PLS3: variants seen among roughly 807,000 people sequenced by gnomAD.
PLS3 encodes the protein plastin-3.
In PLS3, 11 loss-of-function variants were observed where a neutral mutation model predicts 46.5. The ratio of observed to expected loss-of-function variants is 0.24; its 90% CI spans 0.15 to 0.39. The LOEUF is 0.39. Among genes scored for constraint, PLS3 ranks in the 10% least tolerant of loss-of-function variants. The probability of loss-of-function intolerance (pLI) is 1.00; values close to 1 mark genes in which losing one functional copy is unlikely to be tolerated. For missense variants in PLS3, 308 were observed against 461.8 expected, an observed-to-expected ratio of 0.67 and a Z score of 3.05; for synonymous variants, 167 against 162.2, an observed-to-expected ratio of 1.03 and a Z score of -0.22.
At chrX:115,594,526 C>T (rs1569526975) in intron 1 of PLS3, among the ~76,000 whole-genome samples, 1 of 111,065 alleles carries the variant, frequency 9.0e-6, no homozygotes, top group Non-Finnish European at 1.9e-5. Flanking sequence ...CTTTCTGCTT[C>T]GTGTATATAG....
chrX:115,643,193 A>G (rs2074915789), intron 9 of PLS3, 120 bp from the exon 10 acceptor site: 4 of 476,338 alleles, frequency 8.4e-6, no homozygotes, highest in South Asian at 7.4e-5. Flanking sequence ...ACAATTTTAT[A>G]ATAAGTACCA....
chrX:115,630,686 AATATATACATATATATGTAT>A (rs1200742676), intron 5 of PLS3, among the ~76,000 whole-genome samples: 84 of 97,087 alleles, frequency 8.7e-4, no homozygotes, highest in African/African-American at 1.5e-3. Context: ...ATATATATAA[AATATATACATATATATGTAT>A]ATATATACAT....
At chrX:115,571,582 CAA>C (rs1354758625) in intron 1 of PLS3, among the ~76,000 whole-genome samples, 1 of 108,195 alleles carries the variant, frequency 9.2e-6, no homozygotes, top group Non-Finnish European at 1.9e-5. Context: ...AGGAAAGAAA[CAA>C]GAACTCACCT....
intron 1 of PLS3, among the ~76,000 whole-genome samples, chrX:115,607,499 A>ATT (rs59366150): frequency 1.4e-5 from 1 of 72,838 alleles, no homozygotes; most frequent in African/African-American, 4.8e-5. Flanking sequence ...GTGTTATTTA[A>ATT]TTTTTTTTTT....
chrX:115,636,001 A>G (rs1341926767), intron 7 of PLS3, among the ~76,000 whole-genome samples: 4 of 110,419 alleles, frequency 3.6e-5, no homozygotes, highest in African/African-American at 1.3e-4. Flanking sequence ...AGCCTGGTCA[A>G]TAGTGCGAGA....
intron 1 of PLS3, among the ~76,000 whole-genome samples, chrX:115,587,706 G>A (rs1556632632): frequency 1.9e-5 from 2 of 105,106 alleles, no homozygotes; most frequent in African/African-American, 7.1e-5. Context: ...CTGCACTCCA[G>A]CCTGGGCGAC....
chrX:115,618,466 GT>G (rs1556637118), intron 2 of PLS3, among the ~76,000 whole-genome samples: 1 of 111,384 alleles, frequency 9.0e-6, no homozygotes, highest in Admixed American at 9.5e-5. Flanking sequence ...AGAGCCTGTA[GT>G]CTCAGCTACT....
Position 115,645,099 on chromosome X carries a change from C to A in PLS3, c.1262C>A (p.Ala421Asp). The A allele has an allele frequency of 3.6e-6, 4 of 1,108,627 alleles. No individual in the cohort carries two copies. The highest frequency in any genetic ancestry group is 5.0e-6 in the Non-Finnish European group (4 of 803,728). The allele number at this position is 1,108,627 out of a possible 1,213,427, so 91.4% of individuals were successfully genotyped here. A position where few individuals can be genotyped will look rare whatever the true frequency, so the allele number is the denominator to read the frequency against. ...GVNPHVNHLYADLQDALVILQ... is the reference protein window; with the variant it reads ...GVNPHVNHLYDDLQDALVILQ... ...AATCCTCACGTAAACCATCTCTATG[C>A]GTAAGCCTTCCTACTGCTATTGTAA... Residue 421 changes from alanine to aspartate, a missense_variant and splice_region_variant, in exon 11 of 16, where the codon GCT becomes GAT. Physicochemically the swap from Ala to Asp is moderately radical, Grantham distance 126 (BLOSUM62 -2). This residue lies in a region of PLS3 where 271 missense variants were observed against 435.7 expected (regional missense o/e 0.62). Coordinates refer to ENST00000355899, the MANE Select transcript of PLS3 (RefSeq NM_005032.7).
intron 1 of PLS3, among the ~76,000 whole-genome samples, chrX:115,583,702 A>T (rs17326716): frequency 0.036 from 4,043 of 112,143 alleles, 66 homozygotes; most frequent in Non-Finnish European, 0.054. Flanking sequence ...CTTCCTAAAA[A>T]CTGACGAGGT....
At chrX:115,571,316 G>A (rs953321306) in intron 1 of PLS3, among the ~76,000 whole-genome samples, 5 of 111,644 alleles carry the variant, frequency 4.5e-5, no homozygotes, top group African/African-American at 1.6e-4. Context: ...TCAGGAGTTC[G>A]AAACCAGCCT....
At chrX:115,566,254 C>T (rs2074171209) in intron 1 of PLS3, among the ~76,000 whole-genome samples, 1 of 112,301 alleles carries the variant, frequency 8.9e-6, no homozygotes, top group Admixed American at 9.5e-5. Context: ...AAAAGTTCTG[C>T]ACCCATCCAA....
rs5903456 is a variant in PLS3, at chrX:115,645,757, AC to A, written c.1263-309del. On this transcript the variant is annotated intron_variant, in intron 11 of 15. Transcript: ENST00000355899. Reference sequence around the variant, plus strand: ...GTTTGTTTATTGTCAACAAACCAATACCCCCCGTATTGTTTGTTTATCCATG... The same window carrying A: ...GTTTGTTTATTGTCAACAAACCAATACCCCCGTATTGTTTGTTTATCCATG... Among the ~76,000 whole-genome samples the A allele has an allele frequency of 0.15, 16,211 of 110,404 alleles. 2,013 individuals carry two copies. Among genetic ancestry groups the A allele is most frequent in the African/African-American group, 0.42 (12,612 of 30,117 alleles).
intron 8 of PLS3, chrX:115,640,106 C>T (rs1556640799): frequency 1.8e-6 from 2 of 1,127,087 alleles, no homozygotes; most frequent in East Asian, 6.5e-5. Context: ...TTTTGTCTGT[C>T]AAGCTTATTG....
chrX:115,580,474 T>C (rs1180955557), intron 1 of PLS3, among the ~76,000 whole-genome samples: 1 of 112,564 alleles, frequency 8.9e-6, no homozygotes. Context: ...TCATTGAATA[T>C]ATTTGTGTAA....
intron 1 of PLS3, among the ~76,000 whole-genome samples, chrX:115,608,751 G>A (rs1234484822): frequency 8.9e-6 from 1 of 111,978 alleles, no homozygotes; most frequent in Non-Finnish European, 1.9e-5. Context: ...ATACCGTATA[G>A]TCTAGGTGTG....
At position 115,629,818 on chromosome X, in the gene PLS3, A is replaced by G. The variant is rs782338262; in HGVS notation, c.368-17A>G. On this transcript the variant is annotated splice_polypyrimidine_tract_variant and intron_variant, in intron 4 of 15. Coordinates refer to ENST00000355899, the MANE Select transcript of PLS3 (RefSeq NM_005032.7). Reference sequence around the variant, plus strand: ...TTAGAGTATGAACTAATGTCTTGTTATTTAACATAATTTTAGAGGAAGAAA... The same window carrying G: ...TTAGAGTATGAACTAATGTCTTGTTGTTTAACATAATTTTAGAGGAAGAAA... 2.0e-6 allele frequency: 2 copies of G among 1,016,061 alleles called. No individual in the cohort carries two copies. Among genetic ancestry groups the G allele is most frequent in the South Asian group, 2.1e-5 (1 of 47,877 alleles). 83.7% of individuals were successfully genotyped at this position (1,016,061 alleles called of 1,213,427 possible).
chrX:115,567,648 T>A (rs1161660641), intron 1 of PLS3, among the ~76,000 whole-genome samples: 1 of 109,070 alleles, frequency 9.2e-6, no homozygotes, highest in African/African-American at 3.3e-5. Context: ...ATGTGGGAAG[T>A]TAAGTTGAAA....
In PLS3 at chrX:115,638,197, G is replaced by A. The variant is rs188763823; in HGVS notation, c.891+1219G>A. The stretch of plus-strand genomic sequence containing the variant: ...ACTATCTCGGCTCACTGCAACCTCC[G>A]CCTCCCAGGTTCAAGAGATTCTTCT... On this transcript the variant is annotated intron_variant, in intron 8 of 15. Coordinates refer to ENST00000355899, the MANE Select transcript of PLS3 (RefSeq NM_005032.7). Among the ~76,000 whole-genome samples, 621 of 110,405 alleles carry A rather than the reference G, an allele frequency of 5.6e-3. 4 individuals are homozygous for A. Among genetic ancestry groups the A allele is most frequent in the African/African-American group, 0.02 (606 of 30,331 alleles).
chrX:115,576,211 G>A (rs782090438), intron 1 of PLS3, among the ~76,000 whole-genome samples: 2 of 111,926 alleles, frequency 1.8e-5, no homozygotes, highest in East Asian at 5.6e-4. Flanking sequence ...TAAGTTTGAG[G>A]GAGTCTTTAT....
Sources: allele counts gnomAD v4.1 joint callset (sites outside exome capture counted in the v4.1 genomes callset), GRCh38; gene constraint gnomAD v4.1.1; regional missense constraint gnomAD v4.1.1; transcripts MANE v1.5; gene names NCBI Gene and HGNC (gene_info 2026-07-23, HGNC 2026-07-21).